EXTL3: variants seen among roughly 807,000 people sequenced by gnomAD.
The protein encoded by EXTL3 is exostosin like glycosyltransferase 3, also known as exostosin-like 3.
A neutral mutation model predicts 69.3 loss-of-function variants in EXTL3; 27 were observed. The ratio of observed to expected loss-of-function variants is 0.39; its 90% CI spans 0.29 to 0.54. EXTL3 has a LOEUF of 0.54. Ranked by LOEUF, EXTL3 falls within the 20% of genes least tolerant of loss-of-function variation. EXTL3 has a pLI of 0.69. For missense variants in EXTL3, 1,003 were observed against 1,231.8 expected, an observed-to-expected ratio of 0.81 and a Z score of 2.78; for synonymous variants, 511 against 499.4, an observed-to-expected ratio of 1.02 and a Z score of -0.31.
At chr8:28,756,311 G>A (rs1208936143), downstream of EXTL3, among the ~76,000 whole-genome samples, 1 of 152,050 alleles carries the variant, frequency 6.6e-6, no homozygotes, top group Non-Finnish European at 1.5e-5. Context: ...TTTTGGATTA[G>A]TTTTCCATAT....
chr8:28,646,743 G>A (rs1044848155), intron 1 of EXTL3, among the ~76,000 whole-genome samples: 5 of 152,156 alleles, frequency 3.3e-5, no homozygotes, highest in Admixed American at 3.3e-4. Context: ...ATTTAACTCT[G>A]TGAGCTTGGG....
chr8:28,686,940 T>C (rs1416241861), intron 1 of EXTL3, among the ~76,000 whole-genome samples: 4 of 152,186 alleles, frequency 2.6e-5, no homozygotes, highest in African/African-American at 4.8e-5. Context: ...TAGTTAATAT[T>C]TGAACCCAGG....
intron 1 of EXTL3, among the ~76,000 whole-genome samples, chr8:28,647,465 C>T (rs145315800): frequency 2.0e-5 from 3 of 152,258 alleles, no homozygotes; most frequent in African/African-American, 7.2e-5. Context: ...CTCATTTTCT[C>T]ATTAACTGTG....
Position 28,717,382 on chromosome 8 carries a change from G to A in EXTL3, c.1323G>A (p.Leu441=). ...TCATTACCCCCGGGGACCCTCGCTTGGTTATTTCCTCTGGGTGTGCAACAC... is the reference window on the plus strand; with the variant it reads ...TCATTACCCCCGGGGACCCTCGCTTAGTTATTTCCTCTGGGTGTGCAACAC... ...ALIITPGDPR[L]VISSGCATRL... Residue 441 remains leucine (L), a synonymous_variant, in exon 3 of 7, where the codon TTG becomes TTA. Coordinates refer to ENST00000220562, the MANE Select transcript of EXTL3 (RefSeq NM_001440.4). The surrounding 1 kb of genome is among the most constrained non-coding windows in gnomAD (Gnocchi z 8.3). 1 of 1,614,214 alleles carries A rather than the reference G, an allele frequency of 6.2e-7. No individual in the cohort carries two copies. Among genetic ancestry groups the A allele is most frequent in the East Asian group, 2.2e-5 (1 of 44,878 alleles).
chr8:28,756,123 C>T (rs567152863), downstream of EXTL3, among the ~76,000 whole-genome samples: 1 of 152,338 alleles, frequency 6.6e-6, no homozygotes, highest in African/African-American at 2.4e-5. Flanking sequence ...CTGTAATGCA[C>T]ACATCTTCAG....
chr8:28,618,821 A>T (rs1219362628), upstream of EXTL3, among the ~76,000 whole-genome samples: 1 of 152,012 alleles, frequency 6.6e-6, no homozygotes, highest in Non-Finnish European at 1.5e-5. Context: ...GTGGTGGCTC[A>T]CGCCTCTAAT....
chr8:28,640,491 A>C (rs1806725420), intron 1 of EXTL3, among the ~76,000 whole-genome samples: 1 of 152,222 alleles, frequency 6.6e-6, no homozygotes, highest in African/African-American at 2.4e-5. Context: ...CAAACCACAG[A>C]GCTATTTATG....
At chr8:28,616,787 T>A (rs1442750185) in intron 2 of EXTL3, among the ~76,000 whole-genome samples, 1 of 152,150 alleles carries the variant, frequency 6.6e-6, no homozygotes, top group Non-Finnish European at 1.5e-5. Flanking sequence ...GCATCAGGGT[T>A]CCCAGGAAAC....
chr8:28,738,070 G>A (rs1006948837), intron 5 of EXTL3, among the ~76,000 whole-genome samples: 3 of 152,142 alleles, frequency 2.0e-5, no homozygotes, highest in Non-Finnish European at 4.4e-5. Flanking sequence ...CGGGCCCCAC[G>A]ATGAGCCTCT....
At chr8:28,673,673 CT>C in intron 1 of EXTL3, among the ~76,000 whole-genome samples, 1 of 152,146 alleles carries the variant, frequency 6.6e-6, no homozygotes, top group South Asian at 2.1e-4. Flanking sequence ...TTCATTGTGT[CT>C]TTGAGAGTGT....
intron 2 of EXTL3, among the ~76,000 whole-genome samples, chr8:28,611,677 G>A (rs538942198): frequency 2.6e-5 from 4 of 152,252 alleles, no homozygotes; most frequent in East Asian, 3.9e-4. Context: ...TGTGAGCCCC[G>A]AGGTGAAAGG....
intron 2 of EXTL3, among the ~76,000 whole-genome samples, chr8:28,609,901 T>TAA (rs35274445): frequency 1.6e-5 from 2 of 122,346 alleles, no homozygotes. Context: ...AAAAAATAAT[T>TAA]AAAAAAAAAA....
At chr8:28,710,587 T>C in intron 1 of EXTL3, 1 of 311,090 alleles carries the variant, frequency 3.2e-6, no homozygotes, top group East Asian at 9.4e-5. Context: ...TCATGAGAGA[T>C]TTTTTTTTTG....
chr8:28,713,252 C>T (rs2130728548), intron 1 of EXTL3, among the ~76,000 whole-genome samples: 1 of 152,254 alleles, frequency 6.6e-6, no homozygotes, highest in South Asian at 2.1e-4. Flanking sequence ...TACCTCTTGT[C>T]CCAGTGTATT....
At chr8:28,687,819 A>G (rs1800543137) in intron 1 of EXTL3, among the ~76,000 whole-genome samples, 1 of 152,234 alleles carries the variant, frequency 6.6e-6, no homozygotes, top group South Asian at 2.1e-4. Context: ...GACCATTTCA[A>G]GAAGGTGAGT....
chr8:28,621,504 C>G (rs1224476464), upstream of EXTL3, among the ~76,000 whole-genome samples: 1 of 152,230 alleles, frequency 6.6e-6, no homozygotes, highest in Non-Finnish European at 1.5e-5. Flanking sequence ...ATGGCACTTT[C>G]TGACAGCAGC....
In EXTL3 at chr8:28,715,960, TG is replaced by T; in HGVS notation, c.-98del. 1.0e-6 allele frequency: 1 copy of T among 981,184 alleles called. No homozygotes were observed. The highest frequency in any genetic ancestry group is 1.5e-6 in the Non-Finnish European group (1 of 650,694). 60.8% of individuals were successfully genotyped at this position (981,184 alleles called of 1,614,324 possible). A position where few individuals can be genotyped will look rare whatever the true frequency, so the allele number is the denominator to read the frequency against. Reference sequence around the variant, plus strand: ...TGTCTGGGGAGCACACTAACTCTTCTGGAAACGTGTCAGTGAAACAGAGATC... The same window carrying T: ...TGTCTGGGGAGCACACTAACTCTTCTGAAACGTGTCAGTGAAACAGAGATC... On this transcript the variant is annotated 5_prime_UTR_variant, in exon 3 of 7. The change abolishes the stop of an existing upstream ORF in the 5' untranslated region. Transcript: ENST00000220562.
At chr8:28,661,124 A>C (rs1306467642) in intron 1 of EXTL3, among the ~76,000 whole-genome samples, 2 of 151,800 alleles carry the variant, frequency 1.3e-5, no homozygotes, top group African/African-American at 4.8e-5. Flanking sequence ...CGTGTTAGCC[A>C]GGATGGTCTC....
intron 5 of EXTL3, chr8:28,740,669 T>G (rs994061825): frequency 1.3e-5 from 2 of 152,192 alleles, no homozygotes; most frequent in Non-Finnish European, 2.9e-5. Flanking sequence ...AGCTGTCAAG[T>G]TTTTTTCTTT....
Sources: allele counts gnomAD v4.1 joint callset (sites outside exome capture counted in the v4.1 genomes callset), GRCh38; gene constraint gnomAD v4.1.1; non-coding constraint Gnocchi (gnomAD v3.1); transcripts MANE v1.5; gene names NCBI Gene and HGNC (gene_info 2026-07-23, HGNC 2026-07-21).